The following MOB4 variants were observed in gnomAD, a reference collection of about 807,000 sequenced individuals.
MOB4 encodes the protein MOB family member 4, phocein.
A neutral mutation model predicts 32.2 loss-of-function variants in MOB4; 4 were observed. The ratio of observed to expected loss-of-function variants is 0.12; its 90% CI spans 0.06 to 0.28. The LOEUF is 0.28. Ranked by LOEUF, MOB4 falls within the 10% of genes least tolerant of loss-of-function variation. The pLI is 1.00. For missense variants in MOB4, 158 were observed against 271.2 expected, an observed-to-expected ratio of 0.58 and a Z score of 2.93; for synonymous variants, 88 against 88.1, an observed-to-expected ratio of 1.00 and a Z score of 0.01.
At chr2:197,530,758 G>T (rs2086687734) in intron 2 of MOB4, among the ~76,000 whole-genome samples, 1 of 151,950 alleles carries the variant, frequency 6.6e-6, no homozygotes, top group African/African-American at 2.4e-5. Flanking sequence ...GCACCACCAT[G>T]CCTGACTAAT....
intron 1 of MOB4, among the ~76,000 whole-genome samples, chr2:197,518,958 C>G (rs2086466690): frequency 1.3e-5 from 2 of 151,728 alleles, no homozygotes; most frequent in Non-Finnish European, 2.9e-5. Context: ...TGGGGTTTCA[C>G]TGTGTTAGCC....
At chr2:197,528,680 A>G (rs1574633077) in intron 2 of MOB4, among the ~76,000 whole-genome samples, 1 of 148,402 alleles carries the variant, frequency 6.7e-6, no homozygotes, top group Admixed American at 6.8e-5. Flanking sequence ...CAGTGGCACA[A>G]TCTCTGCTCA....
intron 5 of MOB4, among the ~76,000 whole-genome samples, chr2:197,545,290 A>G (rs2086974250): frequency 6.6e-6 from 1 of 152,250 alleles, no homozygotes; most frequent in South Asian, 2.1e-4. Flanking sequence ...TAGTATTTGC[A>G]TATGACCTAT....
intron 1 of MOB4, among the ~76,000 whole-genome samples, 173 bp from the exon 2 acceptor site, chr2:197,523,451 A>T (rs980164105): frequency 6.6e-6 from 1 of 152,146 alleles, no homozygotes; most frequent in Non-Finnish European, 1.5e-5. Context: ...GCAGAGTGAG[A>T]CCCTGTCTGT....
intron 5 of MOB4, among the ~76,000 whole-genome samples, chr2:197,542,008 A>C (rs1280306213): frequency 6.6e-6 from 1 of 152,268 alleles, no homozygotes; most frequent in Non-Finnish European, 1.5e-5. Context: ...AATTCACTGA[A>C]GTTGGCTACT....
chr2:197,515,895 C>G (rs7571833), upstream of MOB4: 128 of 583,606 alleles, frequency 2.2e-4, no homozygotes, highest in African/African-American at 2.0e-3. Flanking sequence ...CCGACGCCGT[C>G]CGGCTGTTCC....
Position 197,550,445 on chromosome 2 carries a change from T to C in MOB4, c.546+59T>C, listed in dbSNP as rs1188437142. 1.9e-6 allele frequency: 3 copies of C among 1,589,580 alleles called. No individual in the cohort carries two copies. In the Admixed American group the frequency reaches 5.4e-5, roughly 28 times the overall value. Reference sequence around the variant, plus strand: ...CTTATCAGTGTAACAGTAATATATATTGATGTTATTTCTAGTCTTTTAGTT... The same window carrying C: ...CTTATCAGTGTAACAGTAATATATACTGATGTTATTTCTAGTCTTTTAGTT... On this transcript the variant is annotated intron_variant, in intron 7 of 7. Coordinates refer to ENST00000323303, the MANE Select transcript of MOB4 (RefSeq NM_015387.5).
upstream of MOB4, chr2:197,515,712 T>A: frequency 3.7e-6 from 1 of 272,038 alleles, no homozygotes; most frequent in Non-Finnish European, 7.1e-6. Flanking sequence ...GTCGCCACTA[T>A]ACGAAGTTCG....
At chr2:197,543,807 C>T (rs902904235) in intron 5 of MOB4, among the ~76,000 whole-genome samples, 3 of 149,932 alleles carry the variant, frequency 2.0e-5, no homozygotes, top group African/African-American at 7.4e-5. Context: ...GGCGCAATCT[C>T]GGCTCACTGC....
At chr2:197,549,344 G>A (rs2087054050) in intron 6 of MOB4, among the ~76,000 whole-genome samples, 1 of 152,088 alleles carries the variant, frequency 6.6e-6, no homozygotes. Flanking sequence ...GTTTGTGACT[G>A]CCTTTTATTT....
At chr2:197,543,702 G>T (rs772029170) in intron 5 of MOB4, among the ~76,000 whole-genome samples, 2 of 152,066 alleles carry the variant, frequency 1.3e-5, no homozygotes, top group East Asian at 1.9e-4. Context: ...AAGGATGGGC[G>T]GTATGGGAAG....
chr2:197,540,176 G>GT, intron 4 of MOB4, 23 bp downstream of exon 4: 1 of 1,598,428 alleles, frequency 6.3e-7, no homozygotes, highest in Non-Finnish European at 8.5e-7. Context: ...TTAAGTCAAA[G>GT]TTATAATTGA....
Position 197,520,915 on chromosome 2 carries a change from AAAG to A in MOB4, c.61-2700_61-2698del, listed in dbSNP as rs1422917438. ...TCTTAAAAAAAAAAAAAAAAAAAAA[AAAG>A]AAGAAGAAATAAAAATATTCCCTTT... On this transcript the variant is annotated intron_variant, in intron 1 of 7. Transcript: ENST00000323303. Among the ~76,000 whole-genome samples the A allele has an allele frequency of 2.9e-3, 435 of 148,184 alleles. 4 individuals are homozygous for A. The highest frequency in any genetic ancestry group is 0.011 in the African/African-American group (403 of 38,324).
chr2:197,541,702 G>A (rs1268216776), intron 5 of MOB4, among the ~76,000 whole-genome samples: 1 of 152,136 alleles, frequency 6.6e-6, no homozygotes, highest in South Asian at 2.1e-4. Context: ...GGCGGATCAC[G>A]AGGTCAGGAG....
At chr2:197,525,072 G>A (rs1333792459) in intron 2 of MOB4, among the ~76,000 whole-genome samples, 1 of 152,184 alleles carries the variant, frequency 6.6e-6, no homozygotes, top group African/African-American at 2.4e-5. Flanking sequence ...CTGGCCGGGT[G>A]CGGTGGCTCA....
At chr2:197,540,889 G>C (rs2086884585) in intron 5 of MOB4, among the ~76,000 whole-genome samples, 1 of 151,190 alleles carries the variant, frequency 6.6e-6, no homozygotes, top group Non-Finnish European at 1.5e-5. Context: ...ATAGGCAGTA[G>C]CAGTTTTTTG....
intron 2 of MOB4, among the ~76,000 whole-genome samples, chr2:197,527,537 G>C (rs532236380): frequency 6.8e-4 from 104 of 152,256 alleles, no homozygotes; most frequent in African/African-American, 2.5e-3. Context: ...TAACGTTCTT[G>C]TGGATTCTTT....
intron 5 of MOB4, among the ~76,000 whole-genome samples, chr2:197,546,193 C>A (rs1040750691): frequency 3.3e-5 from 5 of 152,050 alleles, no homozygotes; most frequent in Non-Finnish European, 5.9e-5. Flanking sequence ...TCCTGAGTAG[C>A]TGGGACTACA....
intron 2 of MOB4, among the ~76,000 whole-genome samples, chr2:197,526,461 C>T (rs902751743): frequency 3.9e-5 from 6 of 152,094 alleles, no homozygotes; most frequent in East Asian, 1.9e-4. Flanking sequence ...GGATTACAGG[C>T]GCCCGCCCCT....
Sources: gnomAD v4.1 joint callset for allele counts (sites outside exome capture counted in the v4.1 genomes callset) on GRCh38, gnomAD v4.1.1 for gene constraint, MANE v1.5 for transcripts, NCBI Gene and HGNC (gene_info 2026-07-23, HGNC 2026-07-21) for gene names.